Variants in TENM4 observed in about 807,000 individuals in gnomAD.
The protein encoded by TENM4 is teneurin-4.
TENM4 carries 82 observed loss-of-function variants against 243.3 expected under a neutral mutation model. The observed-to-expected ratio is 0.34, with a 90% CI of 0.28 to 0.40. TENM4 has a LOEUF of 0.40. Among genes scored for constraint, TENM4 ranks in the 10% least tolerant of loss-of-function variants. The pLI, the probability that TENM4 is intolerant of heterozygous loss-of-function variation, is 1.00. For synonymous variants in TENM4, 1,412 were observed against 1,456.3 expected (o/e 0.97, Z 0.69); for missense variants, 3,138 against 3,673.3 (o/e 0.85, Z 3.77).
intron 6 of TENM4, among the ~76,000 whole-genome samples, chr11:79,013,540 A>G (rs1428845682): frequency 6.6e-6 from 1 of 152,176 alleles, no homozygotes; most frequent in African/African-American, 2.4e-5. Flanking sequence ...CCAGCAGCCC[A>G]ATCATGGGGT....
chr11:79,372,764 C>T (rs894853714), intron 1 of TENM4, among the ~76,000 whole-genome samples: 1 of 152,134 alleles, frequency 6.6e-6, no homozygotes, highest in African/African-American at 2.4e-5. Flanking sequence ...GCAGTAGGCA[C>T]TCAATAAATA....
At chr11:79,286,624 G>A (rs1164648663) in intron 2 of TENM4, among the ~76,000 whole-genome samples, 5 of 151,990 alleles carry the variant, frequency 3.3e-5, no homozygotes, top group African/African-American at 7.2e-5. Context: ...AGCCAGAATC[G>A]TGCCACGGCA....
chr11:79,129,099 C>G (rs1391633211), intron 4 of TENM4, among the ~76,000 whole-genome samples: 1 of 152,190 alleles, frequency 6.6e-6, no homozygotes, highest in Non-Finnish European at 1.5e-5. Flanking sequence ...CACATACCCC[C>G]ACTGGAGAAA....
At chr11:79,415,133 CTT>C (rs1279586063) in intron 1 of TENM4, among the ~76,000 whole-genome samples, 23 of 152,250 alleles carry the variant, frequency 1.5e-4, no homozygotes, top group Admixed American at 1.3e-3. Flanking sequence ...CTGTCTCTCT[CTT>C]GTCCGATTCT....
rs547821578 is a variant in TENM4 at position 78,932,753 on chromosome 11, G to C, written c.494-29230C>G. ...GAAACTGTTCCACCTCAGATCATCA[G>C]GCATTAGATTATCATAAGGAGCATG... On this transcript the variant is annotated intron_variant, in intron 6 of 33. Coordinates refer to ENST00000278550, the MANE Select transcript of TENM4 (RefSeq NM_001098816.3). 2.6e-5 allele frequency among the ~76,000 whole-genome samples: 4 copies of C among 152,246 alleles called. No homozygotes were observed. In the South Asian group the frequency reaches 8.3e-4, roughly 32 times the overall value.
intron 15 of TENM4, among the ~76,000 whole-genome samples, chr11:78,803,090 G>A (rs2136079767): frequency 1.3e-5 from 2 of 151,588 alleles, no homozygotes; most frequent in Middle Eastern, 3.4e-3. Context: ...GAGTACAGTG[G>A]CACGATCTCA....
At chr11:79,415,759 C>T (rs930509846) in intron 1 of TENM4, among the ~76,000 whole-genome samples, 2 of 152,154 alleles carry the variant, frequency 1.3e-5, no homozygotes, top group Admixed American at 1.3e-4. Flanking sequence ...ATACAATAAA[C>T]TGTACATGTT....
At chr11:79,195,327 G>A (rs1046855538) in intron 3 of TENM4, among the ~76,000 whole-genome samples, 1 of 152,144 alleles carries the variant, frequency 6.6e-6, no homozygotes, top group Non-Finnish European at 1.5e-5. Context: ...TGTGAGAAGA[G>A]GGACACCATC....
chr11:79,418,249 C>T (rs1414035105), intron 1 of TENM4, among the ~76,000 whole-genome samples: 2 of 152,168 alleles, frequency 1.3e-5, no homozygotes, highest in African/African-American at 2.4e-5. Context: ...AGATGCAGGA[C>T]ATTTCCATCA....
chr11:79,309,013 C>A (rs1377833441), intron 1 of TENM4, among the ~76,000 whole-genome samples: 1 of 151,898 alleles, frequency 6.6e-6, no homozygotes, highest in Non-Finnish European at 1.5e-5. Context: ...AGTGGCAAAG[C>A]AGAATGCCTA....
chr11:78,712,439 C>G, intron 26 of TENM4, 43 bp downstream of exon 26: 1 of 1,552,152 alleles, frequency 6.4e-7, no homozygotes, highest in Non-Finnish European at 8.8e-7. Flanking sequence ...AGGAAAATAC[C>G]CCAATAAATG....
intron 10 of TENM4, among the ~76,000 whole-genome samples, chr11:78,862,306 C>A (rs1375014950): frequency 1.3e-5 from 2 of 151,944 alleles, no homozygotes; most frequent in African/African-American, 4.8e-5. Flanking sequence ...ATCCTTTGCA[C>A]CAATTCTAGT....
At chr11:79,005,377 C>T (rs1031156289) in intron 6 of TENM4, among the ~76,000 whole-genome samples, 1 of 152,110 alleles carries the variant, frequency 6.6e-6, no homozygotes, top group African/African-American at 2.4e-5. Context: ...AAGTCAAATC[C>T]AGGAGCACAT....
chr11:79,100,772 A>G (rs986890919), intron 4 of TENM4, among the ~76,000 whole-genome samples: 27 of 152,184 alleles, frequency 1.8e-4, no homozygotes, highest in Non-Finnish European at 3.2e-4. Flanking sequence ...TAAACTTACA[A>G]GGAAGCCCCT....
chr11:79,101,232 T>A (rs1386544607), intron 4 of TENM4, among the ~76,000 whole-genome samples: 21 of 152,102 alleles, frequency 1.4e-4, no homozygotes, highest in African/African-American at 4.8e-4. Context: ...ATATAAAAAA[T>A]TTTCATAAAA....
At chr11:79,000,501 A>C (rs1020032398) in intron 6 of TENM4, among the ~76,000 whole-genome samples, 2 of 152,184 alleles carry the variant, frequency 1.3e-5, no homozygotes, top group Non-Finnish European at 2.9e-5. Flanking sequence ...GAAGAAAGGA[A>C]TACAGTCATC....
intron 1 of TENM4, among the ~76,000 whole-genome samples, chr11:79,374,696 C>G (rs865874168): frequency 2.2e-4 from 33 of 152,042 alleles, no homozygotes; most frequent in African/African-American, 7.7e-4. Context: ...TTTTCACAGG[C>G]TCACTAATAG....
At chr11:79,084,365 G>T (rs1391642035) in intron 4 of TENM4, among the ~76,000 whole-genome samples, 2 of 152,142 alleles carry the variant, frequency 1.3e-5, no homozygotes, top group African/African-American at 4.8e-5. Flanking sequence ...TTGTATTCTT[G>T]GGCATTTATC....
chr11:78,760,497 G>A (rs1033223886), intron 18 of TENM4, among the ~76,000 whole-genome samples: 7 of 152,190 alleles, frequency 4.6e-5, no homozygotes, highest in South Asian at 2.1e-4. Flanking sequence ...ACAGCCAAGC[G>A]TGAAGCACAA....
Sources: allele counts gnomAD v4.1 joint callset (sites outside exome capture counted in the v4.1 genomes callset), GRCh38; gene constraint gnomAD v4.1.1; transcripts MANE v1.5; gene names NCBI Gene and HGNC (gene_info 2026-07-23, HGNC 2026-07-21).